TXNDC16: variants seen among roughly 807,000 people sequenced by gnomAD.
TXNDC16 encodes thioredoxin domain containing 16, also known as thioredoxin domain-containing protein 16.
Under a neutral mutation model 85.6 loss-of-function variants are expected in TXNDC16, and 74 were observed. That is an observed-to-expected ratio of 0.86 (90% CI 0.72 to 1.05). TXNDC16 has a LOEUF of 1.05. Among genes scored for constraint, TXNDC16 ranks in the 50% least tolerant of loss-of-function variants. TXNDC16 has a pLI of 0.00. For synonymous variants in TXNDC16, 335 were observed against 326.5 expected, an observed-to-expected ratio of 1.03 and a Z score of -0.28; for missense variants, 959 against 947.0, an observed-to-expected ratio of 1.01 and a Z score of -0.17.
intron 9 of TXNDC16, among the ~76,000 whole-genome samples, chr14:52,507,178 C>T (rs1287995949): frequency 6.6e-6 from 1 of 151,938 alleles, no homozygotes; most frequent in Admixed American, 6.6e-5. Flanking sequence ...TTGTCTCAGC[C>T]CAAAATCTCC....
At chr14:52,530,439 AATATATTATTATATAATAATATATATT>A (rs2037513001) in intron 6 of TXNDC16, among the ~76,000 whole-genome samples, 1 of 3,114 alleles carries the variant, frequency 3.2e-4, no homozygotes, top group Non-Finnish European at 5.3e-4. Context: ...AATAATATAT[AATATATTATTATATAATAATATATATT>A]ATATATTATT....
At position 52,455,465 on chromosome 14, in the gene TXNDC16, A is replaced by G; in HGVS notation, c.1704-3T>C. On this transcript the variant is annotated splice_region_variant and splice_polypyrimidine_tract_variant and intron_variant, in intron 17 of 20. Transcript: ENST00000281741. The stretch of plus-strand genomic sequence containing the variant: ...GACTTGCAGCATATTTGGTTGACCT[A>G]TGGAGAAAGGCAGTATTAAAATTCA... 9.9e-6 allele frequency: 16 copies of G among 1,613,590 alleles called. No homozygotes were observed. The highest frequency in any genetic ancestry group is 1.4e-5 in the Non-Finnish European group (16 of 1,179,792).
At chr14:52,505,296 T>A (rs2140173931) in intron 9 of TXNDC16, among the ~76,000 whole-genome samples, 1 of 152,158 alleles carries the variant, frequency 6.6e-6, no homozygotes, top group South Asian at 2.1e-4. Context: ...CCACACCTAT[T>A]CCAAAATTGA....
intron 6 of TXNDC16, among the ~76,000 whole-genome samples, chr14:52,529,893 T>A (rs1427965250): frequency 9.4e-6 from 1 of 106,112 alleles, no homozygotes; most frequent in Admixed American, 1.3e-4. Context: ...ATGAATTATA[T>A]ATTATATATT....
At chr14:52,495,832 A>G (rs1321203107) in intron 9 of TXNDC16, among the ~76,000 whole-genome samples, 1 of 152,110 alleles carries the variant, frequency 6.6e-6, no homozygotes, top group Non-Finnish European at 1.5e-5. Context: ...AGCTCCTTGA[A>G]AACTATTCCT....
At chr14:52,486,108 C>A (rs1235881928) in intron 12 of TXNDC16, among the ~76,000 whole-genome samples, 2 of 151,896 alleles carry the variant, frequency 1.3e-5, no homozygotes, top group Non-Finnish European at 2.9e-5. Context: ...GTATTTTTTT[C>A]TTATTATTCA....
intron 9 of TXNDC16, among the ~76,000 whole-genome samples, chr14:52,493,206 T>TACACAC (rs71125111): frequency 0.059 from 7,855 of 132,260 alleles, 452 homozygotes; most frequent in East Asian, 0.29. Context: ...TATATATATA[T>TACACAC]ATATATATAT....
chr14:52,463,043 C>T lies in TXNDC16; in HGVS notation c.1619-5869G>A, dbSNP rs182856034. ...CTGCAAATTTCTGAAAGCTGAAGTTCATACTACCTACAATATTGCCATTTA... is the reference window on the plus strand; with the variant it reads ...CTGCAAATTTCTGAAAGCTGAAGTTTATACTACCTACAATATTGCCATTTA... On this transcript the variant is annotated intron_variant, in intron 16 of 20. Coordinates refer to ENST00000281741, the MANE Select transcript of TXNDC16 (RefSeq NM_020784.3). The T allele has an allele frequency of 2.6e-3, 1,199 of 453,118 alleles. 8 individuals are homozygous for T. The highest frequency in any genetic ancestry group is 0.013 in the Middle Eastern group (36 of 2,696). 28.1% of individuals were successfully genotyped at this position (453,118 alleles called of 1,614,324 possible).
intron 14 of TXNDC16, 60 bp from the exon 15 acceptor site, chr14:52,470,740 G>C: frequency 6.8e-7 from 1 of 1,473,742 alleles, no homozygotes; most frequent in Non-Finnish European, 9.2e-7. Flanking sequence ...ATTTGCTTAG[G>C]ATCTTCAGTA....
intron 20 of TXNDC16, among the ~76,000 whole-genome samples, chr14:52,435,366 G>A (rs189208757): frequency 5.1e-4 from 76 of 149,966 alleles, no homozygotes; most frequent in Non-Finnish European, 7.4e-5. Flanking sequence ...GCTACAACAT[G>A]ACAATACTCA....
chr14:52,489,508 A>G (rs545087920), intron 11 of TXNDC16, among the ~76,000 whole-genome samples: 2 of 152,352 alleles, frequency 1.3e-5, no homozygotes, highest in South Asian at 2.1e-4. Flanking sequence ...ATTCGAAACG[A>G]GCAATTTTAA....
chr14:52,543,773 G>T, intron 2 of TXNDC16, 143 bp from the exon 3 acceptor site: 1 of 469,308 alleles, frequency 2.1e-6, no homozygotes, highest in Non-Finnish European at 3.7e-6. Context: ...ATTTGAGGGG[G>T]GACAATATAT....
intron 14 of TXNDC16, among the ~76,000 whole-genome samples, chr14:52,476,457 G>T (rs1452180386): frequency 6.6e-6 from 1 of 151,966 alleles, no homozygotes; most frequent in African/African-American, 2.4e-5. Flanking sequence ...AGTAAAGGGA[G>T]AAATATTCAA....
chr14:52,465,150 C>T (rs1246562279), intron 16 of TXNDC16, among the ~76,000 whole-genome samples: 1 of 152,146 alleles, frequency 6.6e-6, no homozygotes, highest in East Asian at 1.9e-4. Flanking sequence ...ATAGTATCTA[C>T]TATGTGCAAA....
intron 6 of TXNDC16, among the ~76,000 whole-genome samples, chr14:52,533,966 C>T (rs2037642574): frequency 6.6e-6 from 1 of 152,130 alleles, no homozygotes; most frequent in South Asian, 2.1e-4. Flanking sequence ...GAGGAATAGG[C>T]CTATGTCCTT....
rs1458788361 is a variant in TXNDC16, at chr14:52,513,233, T to G, written c.605+1647A>C. Among the ~76,000 whole-genome samples the G allele has an allele frequency of 3.3e-5, 5 of 152,306 alleles. No homozygotes were observed. The East Asian group carries it at 5.8e-4, about 18-fold the overall frequency. The stretch of plus-strand genomic sequence containing the variant: ...CAATTAATATACTAGCCTTAACTGA[T>G]GTTATAAAGCCAGAAACTAGAATAG... On this transcript the variant is annotated intron_variant, in intron 8 of 20. Transcript: ENST00000281741.
At chr14:52,469,284 T>C (rs1352216020) in intron 16 of TXNDC16, among the ~76,000 whole-genome samples, 2 of 151,116 alleles carry the variant, frequency 1.3e-5, no homozygotes, top group African/African-American at 4.9e-5. Flanking sequence ...GAAGCAGAGA[T>C]TGCAGTGAGC....
intron 18 of TXNDC16, among the ~76,000 whole-genome samples, chr14:52,445,610 G>T (rs187930517): frequency 6.6e-6 from 1 of 152,176 alleles, no homozygotes; most frequent in Non-Finnish European, 1.5e-5. Flanking sequence ...GTCATGCATC[G>T]CATGATGTTT....
chr14:52,540,350 C>T (rs893688805), intron 4 of TXNDC16, among the ~76,000 whole-genome samples: 1 of 152,184 alleles, frequency 6.6e-6, no homozygotes, highest in East Asian at 1.9e-4. Context: ...ATGGGCTAGG[C>T]GCGGTGGCTC....
Sources: allele counts gnomAD v4.1 joint callset (sites outside exome capture counted in the v4.1 genomes callset), GRCh38; gene constraint gnomAD v4.1.1; transcripts MANE v1.5; gene names NCBI Gene and HGNC (gene_info 2026-07-23, HGNC 2026-07-21).